RHBDL2: variants seen among roughly 807,000 people sequenced by gnomAD.
RHBDL2 encodes rhomboid like 2.
RHBDL2 carries 26 observed loss-of-function variants against 31.7 expected under a neutral mutation model. That is an observed-to-expected ratio of 0.82 (90% CI 0.60 to 1.14). The LOEUF (loss-of-function observed/expected upper bound fraction) is 1.14. Ranked by LOEUF, RHBDL2 falls within the 50% of genes most tolerant of loss-of-function variation. The probability of loss-of-function intolerance (pLI) is 0.00; values close to 1 mark genes in which losing one functional copy is unlikely to be tolerated. For missense variants in RHBDL2, 336 were observed against 364.4 expected, an observed-to-expected ratio of 0.92 and a Z score of 0.63; for synonymous variants, 123 against 127.2, an observed-to-expected ratio of 0.97 and a Z score of 0.22.
intron 1 of RHBDL2, among the ~76,000 whole-genome samples, chr1:38,919,861 A>C (rs1054500160): frequency 2.0e-5 from 3 of 152,162 alleles, no homozygotes; most frequent in African/African-American, 7.2e-5. Flanking sequence ...GGCGTGAGCC[A>C]CCGAAGCCGG....
intron 1 of RHBDL2, among the ~76,000 whole-genome samples, chr1:38,929,785 A>C (rs927196380): frequency 7.2e-5 from 11 of 152,010 alleles, no homozygotes; most frequent in African/African-American, 2.7e-4. Context: ...CCTTCATCAC[A>C]CTGCAAACCA....
intron 1 of RHBDL2, among the ~76,000 whole-genome samples, chr1:38,930,952 G>T (rs1055831217): frequency 1.3e-5 from 2 of 152,150 alleles, no homozygotes; most frequent in African/African-American, 4.8e-5. Context: ...CAAGCCAAGG[G>T]TGTTGGTCAC....
intron 1 of RHBDL2, among the ~76,000 whole-genome samples, chr1:38,931,954 G>A (rs1208962916): frequency 2.6e-5 from 4 of 152,154 alleles, no homozygotes; most frequent in Non-Finnish European, 5.9e-5. Context: ...CTCTCCTTAA[G>A]TCTGGGCCAG....
At chr1:38,894,040 C>A (rs142008360) in intron 5 of RHBDL2, among the ~76,000 whole-genome samples, 26 of 152,280 alleles carry the variant, frequency 1.7e-4, no homozygotes, top group African/African-American at 6.0e-4. Flanking sequence ...AGTAAAGATG[C>A]TGAAATAGGC....
chr1:38,891,756 G>C (rs922171974), intron 6 of RHBDL2, among the ~76,000 whole-genome samples: 1 of 152,196 alleles, frequency 6.6e-6, no homozygotes, highest in Non-Finnish European at 1.5e-5. Flanking sequence ...AGACATAGTT[G>C]CCTCTGTTCC....
At chr1:38,908,043 A>T (rs991183186) in intron 4 of RHBDL2, among the ~76,000 whole-genome samples, 4 of 152,184 alleles carry the variant, frequency 2.6e-5, no homozygotes, top group Non-Finnish European at 4.4e-5. Flanking sequence ...TTCAACAGTT[A>T]AAAAAAGTTA....
chr1:38,940,353 C>A (rs987630782), intron 1 of RHBDL2, among the ~76,000 whole-genome samples: 2 of 152,092 alleles, frequency 1.3e-5, no homozygotes, highest in Non-Finnish European at 2.9e-5. Context: ...TAATCCCATG[C>A]CTATGTGGCT....
intron 6 of RHBDL2, among the ~76,000 whole-genome samples, chr1:38,890,043 T>C (rs1017710197): frequency 9.2e-5 from 14 of 151,852 alleles, no homozygotes; most frequent in African/African-American, 3.4e-4. Context: ...TATTTTCTTT[T>C]TTTTTTTTTT....
At chr1:38,912,709 C>T (rs923616512) in intron 3 of RHBDL2, among the ~76,000 whole-genome samples, 47 of 151,686 alleles carry the variant, frequency 3.1e-4, no homozygotes, top group African/African-American at 1.1e-3. Flanking sequence ...GTGTGAGCCA[C>T]TGCTCCTGGC....
At chr1:38,904,670 T>TA (rs1234738684) in intron 4 of RHBDL2, among the ~76,000 whole-genome samples, 1 of 148,446 alleles carries the variant, frequency 6.7e-6, no homozygotes, top group Non-Finnish European at 1.5e-5. Context: ...TCTACAGAAA[T>TA]AAAAAAATAC....
In RHBDL2 at chr1:38,922,636, A is replaced by G. The variant is rs12753616; in HGVS notation, c.-125-3299T>C. On this transcript the variant is annotated intron_variant, in intron 1 of 7. Transcript: ENST00000372990. ...CCTCTCCACCCTGTTTCCTGAGAACAGGGGCCTCTCTCTGATTTATCTTAT... is the reference window on the plus strand; with the variant it reads ...CCTCTCCACCCTGTTTCCTGAGAACGGGGGCCTCTCTCTGATTTATCTTAT... Among the ~76,000 whole-genome samples the G allele has an allele frequency of 3.2e-3, 446 of 138,624 alleles. 5 individuals are homozygous for G. Among genetic ancestry groups the G allele is most frequent in the African/African-American group, 0.012 (429 of 36,012 alleles). The allele number at this position is 138,624 out of a possible 152,430, so 90.9% of individuals were successfully genotyped here. A position where few individuals can be genotyped will look rare whatever the true frequency, so the allele number is the denominator to read the frequency against.
intron 1 of RHBDL2, among the ~76,000 whole-genome samples, chr1:38,930,773 C>A (rs1643431777): frequency 6.6e-6 from 1 of 152,172 alleles, no homozygotes; most frequent in Non-Finnish European, 1.5e-5. Context: ...AGTAAGGAGA[C>A]AAAATCATGG....
chr1:38,919,316 C>T lies in RHBDL2; in HGVS notation c.-104G>A, dbSNP rs767399538. 3.4e-5 allele frequency: 54 copies of T among 1,601,860 alleles called. No individual in the cohort carries two copies. Among genetic ancestry groups the T allele is most frequent in the East Asian group, 8.9e-5 (4 of 44,756 alleles). On this transcript the variant is annotated 5_prime_UTR_variant, in exon 2 of 8. Coordinates refer to ENST00000372990, the MANE Select transcript of RHBDL2 (RefSeq NM_017821.5). The stretch of plus-strand genomic sequence containing the variant: ...CTCTTCCCTGGGCTGTCTGGCGCAA[C>T]GACTGCTTTCCAAGGCCTTTCCTGT...
chr1:38,911,639 TGTGTGTGCGC>T (rs1437114104), intron 3 of RHBDL2, among the ~76,000 whole-genome samples: 20 of 41,806 alleles, frequency 4.8e-4, no homozygotes, highest in Middle Eastern at 0.018. Context: ...TGTGTGTGTG[TGTGTGTGCGC>T]GCGCGCGCGC....
chr1:38,900,663 T>C (rs1479819054), intron 4 of RHBDL2, among the ~76,000 whole-genome samples: 2 of 151,524 alleles, frequency 1.3e-5, no homozygotes, highest in Non-Finnish European at 2.9e-5. Context: ...GAGACGGAGG[T>C]TGCAGTGAGC....
chr1:38,888,051 G>C (rs757460012), intron 6 of RHBDL2, 27 bp from the exon 7 acceptor site: 13 of 1,538,336 alleles, frequency 8.5e-6, no homozygotes, highest in South Asian at 3.4e-5. Context: ...CCTGATAAAG[G>C]CTCAGAATCT....
At position 38,923,228 on chromosome 1, in the gene RHBDL2, A is replaced by G. The variant is rs568202459; in HGVS notation, c.-125-3891T>C. On this transcript the variant is annotated intron_variant, in intron 1 of 7. Coordinates refer to ENST00000372990, the MANE Select transcript of RHBDL2 (RefSeq NM_017821.5). ...TGTGTATAAACTATTAAAAGCATAT[A>G]CCTTTCAACAGAAACATCCAACCTC... Among the ~76,000 whole-genome samples the G allele has an allele frequency of 1.0e-3, 159 of 152,352 alleles. 4 individuals are homozygous for G. Among genetic ancestry groups the G allele is most frequent in the African/African-American group, 6.3e-4 (26 of 41,582 alleles).
intron 1 of RHBDL2, among the ~76,000 whole-genome samples, chr1:38,941,424 C>T (rs1643558096): frequency 6.6e-6 from 1 of 152,260 alleles, no homozygotes; most frequent in Admixed American, 6.5e-5. Context: ...TGTCCTCATC[C>T]TCAGCCCTTC....
At chr1:38,891,260 C>CAAAA (rs11445131) in intron 6 of RHBDL2, among the ~76,000 whole-genome samples, 389 of 75,018 alleles carry the variant, frequency 5.2e-3, no homozygotes, top group East Asian at 6.6e-3. Context: ...GACTCCGTCT[C>CAAAA]AAAAAAAAAA....
Sources: allele counts gnomAD v4.1 joint callset (sites outside exome capture counted in the v4.1 genomes callset), GRCh38; gene constraint gnomAD v4.1.1; transcripts MANE v1.5; gene names NCBI Gene and HGNC (gene_info 2026-07-23, HGNC 2026-07-21).